Variants in SYNDIG1 observed in about 807,000 individuals in gnomAD.
The protein encoded by SYNDIG1 is synapse differentiation-inducing gene protein 1.
A neutral mutation model predicts 19.4 loss-of-function variants in SYNDIG1; 9 were observed. That is an observed-to-expected ratio of 0.46 (90% CI 0.28 to 0.81). The LOEUF is 0.81. SYNDIG1 is among the 30% of genes least tolerant of loss of function. The probability of loss-of-function intolerance (pLI) is 0.12; values close to 1 mark genes in which losing one functional copy is unlikely to be tolerated. For missense variants in SYNDIG1, 311 were observed against 343.3 expected, an observed-to-expected ratio of 0.91 and a Z score of 0.74; for synonymous variants, 141 against 145.9, an observed-to-expected ratio of 0.97 and a Z score of 0.24.
chr20:24,588,971 T>TGGCCGGGGGGGGGGGGGGGGG (rs2058463505), intron 3 of SYNDIG1, among the ~76,000 whole-genome samples: 1 of 43,430 alleles, frequency 2.3e-5, no homozygotes, highest in Non-Finnish European at 4.5e-5. Flanking sequence ...GGGGTGGGGG[T>TGGCCGGGGGGGGGGGGGGGGG]GGGTGGGCAG....
At chr20:24,626,832 G>A (rs199991802) in intron 3 of SYNDIG1, among the ~76,000 whole-genome samples, 1 of 152,198 alleles carries the variant, frequency 6.6e-6, no homozygotes, top group Non-Finnish European at 1.5e-5. Flanking sequence ...CCGGCACCTC[G>A]GGAGGCCGAG....
intron 1 of SYNDIG1, among the ~76,000 whole-genome samples, chr20:24,512,108 AATATATATATATATATATATATATAT>A (rs56002733): frequency 0.011 from 870 of 76,564 alleles, 30 homozygotes; most frequent in African/African-American, 0.053. Context: ...TGGTCTTTAA[AATATATATATATATATATATATATAT>A]ATATATATAT....
chr20:24,625,384 A>ATTTT lies in SYNDIG1; in HGVS notation c.619-39944_619-39941dup, dbSNP rs35759862. 2.6e-3 allele frequency among the ~76,000 whole-genome samples: 300 copies of ATTTT among 115,248 alleles called. 4 individuals are homozygous for ATTTT. The highest frequency in any genetic ancestry group is 9.2e-3 in the African/African-American group (270 of 29,394). The allele number at this position is 115,248 out of a possible 152,430, so 75.6% of individuals were successfully genotyped here. ...GGCCATCACTCCAAATGCCTGGGACATTTTTTTTTTTTTTTTTTTTTGATC... is the reference window on the plus strand; with the variant it reads ...GGCCATCACTCCAAATGCCTGGGACATTTTTTTTTTTTTTTTTTTTTTTTTGATC... On this transcript the variant is annotated intron_variant, in intron 3 of 3. Transcript: ENST00000376862.
At chr20:24,594,361 T>C (rs1355619680) in intron 3 of SYNDIG1, among the ~76,000 whole-genome samples, 3 of 152,200 alleles carry the variant, frequency 2.0e-5, no homozygotes, top group Non-Finnish European at 4.4e-5. Context: ...TTCTGGGTTC[T>C]CTATTCTGTT....
At chr20:24,644,473 G>A (rs1402350911) in intron 3 of SYNDIG1, among the ~76,000 whole-genome samples, 1 of 152,208 alleles carries the variant, frequency 6.6e-6, no homozygotes, top group Non-Finnish European at 1.5e-5. Flanking sequence ...TTACAGTGGA[G>A]TGCAGGAAGA....
chr20:24,512,620 G>A (rs2056773698), intron 1 of SYNDIG1, among the ~76,000 whole-genome samples: 1 of 152,164 alleles, frequency 6.6e-6, no homozygotes, highest in South Asian at 2.1e-4. Context: ...TGAGGCTTGA[G>A]TAGGTAAACA....
At chr20:24,590,948 C>T (rs1458379678) in intron 3 of SYNDIG1, among the ~76,000 whole-genome samples, 1 of 152,138 alleles carries the variant, frequency 6.6e-6, no homozygotes, top group Non-Finnish European at 1.5e-5. Context: ...CAGAGCTGCA[C>T]TGCTGGGACT....
At chr20:24,585,503 G>A (rs531006587) in intron 3 of SYNDIG1, among the ~76,000 whole-genome samples, 79 of 152,298 alleles carry the variant, frequency 5.2e-4, no homozygotes, top group Non-Finnish European at 9.0e-4. Flanking sequence ...CCTGCTTGTG[G>A]AAATAGCACA....
chr20:24,599,931 A>G (rs1238546948), intron 3 of SYNDIG1, among the ~76,000 whole-genome samples: 5 of 152,250 alleles, frequency 3.3e-5, no homozygotes, highest in African/African-American at 1.2e-4. Context: ...GTGTAGGGTG[A>G]CTATAGTTAA....
intron 3 of SYNDIG1, among the ~76,000 whole-genome samples, chr20:24,593,171 C>A (rs1169522280): frequency 6.6e-6 from 1 of 152,178 alleles, no homozygotes; most frequent in Admixed American, 6.5e-5. Context: ...AGGTAATAAG[C>A]ATAGTACCTG....
chr20:24,517,385 G>A (rs986381550), intron 1 of SYNDIG1, among the ~76,000 whole-genome samples: 4 of 150,630 alleles, frequency 2.7e-5, no homozygotes, highest in Admixed American at 2.6e-4. Context: ...GGAGGCCGAG[G>A]CGGGCAGATC....
At chr20:24,614,647 G>A (rs1448075576) in intron 3 of SYNDIG1, among the ~76,000 whole-genome samples, 1 of 151,030 alleles carries the variant, frequency 6.6e-6, no homozygotes, top group Non-Finnish European at 1.5e-5. Context: ...GAGGGGAGGG[G>A]AAAGGAGGGA....
chr20:24,546,113 G>T (rs928930557), intron 2 of SYNDIG1, among the ~76,000 whole-genome samples: 2 of 152,148 alleles, frequency 1.3e-5, no homozygotes, highest in Non-Finnish European at 2.9e-5. Context: ...GCCTCACCAC[G>T]GTGGTTAACT....
chr20:24,581,356 G>A lies in SYNDIG1; in HGVS notation c.481-3500G>A, dbSNP rs143894536. Among the ~76,000 whole-genome samples, 15 of 152,216 alleles carry A rather than the reference G, an allele frequency of 9.9e-5. No individual in the cohort carries two copies. In the East Asian group the frequency reaches 2.5e-3, roughly 25 times the overall value. ...AACTAAAAGATAAATAAACAGACAGGCGGATTTTTTGTTTTTTTGCAAGGA... is the reference window on the plus strand; with the variant it reads ...AACTAAAAGATAAATAAACAGACAGACGGATTTTTTGTTTTTTTGCAAGGA... On this transcript the variant is annotated intron_variant, in intron 2 of 3. Coordinates refer to ENST00000376862, the MANE Select transcript of SYNDIG1 (RefSeq NM_024893.3).
At chr20:24,489,888 G>C (rs1406976289) in intron 1 of SYNDIG1, among the ~76,000 whole-genome samples, 1 of 152,234 alleles carries the variant, frequency 6.6e-6, no homozygotes, top group African/African-American at 2.4e-5. Flanking sequence ...CCTGTGGGCT[G>C]TTTTGTGTCA....
At chr20:24,558,231 AG>A (rs1399157317) in intron 2 of SYNDIG1, among the ~76,000 whole-genome samples, 1 of 152,214 alleles carries the variant, frequency 6.6e-6, no homozygotes, top group Non-Finnish European at 1.5e-5. Flanking sequence ...TCAATCTTTA[AG>A]ACCAGAAGTG....
At chr20:24,662,098 T>C (rs2059609790) in intron 3 of SYNDIG1, among the ~76,000 whole-genome samples, 1 of 151,936 alleles carries the variant, frequency 6.6e-6, no homozygotes, top group Non-Finnish European at 1.5e-5. Flanking sequence ...ATAGTGACCA[T>C]TCAACCTAAG....
At chr20:24,650,660 T>C (rs1380846467) in intron 3 of SYNDIG1, among the ~76,000 whole-genome samples, 24 of 152,300 alleles carry the variant, frequency 1.6e-4, no homozygotes. Context: ...TAGGACAGCG[T>C]TCCAGCGTGC....
intron 2 of SYNDIG1, among the ~76,000 whole-genome samples, chr20:24,550,801 C>T (rs1017498398): frequency 3.3e-5 from 5 of 152,146 alleles, no homozygotes; most frequent in Admixed American, 1.3e-4. Flanking sequence ...TGAGCCACTG[C>T]GCCCAGCCTA....
Sources: allele counts gnomAD v4.1 joint callset (sites outside exome capture counted in the v4.1 genomes callset), GRCh38; gene constraint gnomAD v4.1.1; transcripts MANE v1.5; gene names NCBI Gene and HGNC (gene_info 2026-07-23, HGNC 2026-07-21).